Variants in MAST2 observed in about 807,000 individuals in gnomAD.
The protein encoded by MAST2 is microtubule-associated serine/threonine-protein kinase 2.
A neutral mutation model predicts 147.4 loss-of-function variants in MAST2; 70 were observed. The observed-to-expected ratio is 0.47, with a 90% CI of 0.39 to 0.58. MAST2 has a LOEUF of 0.58. Among genes scored for constraint, MAST2 ranks in the 20% least tolerant of loss-of-function variants. MAST2 has a pLI of 0.00. For synonymous variants in MAST2, 869 were observed against 896.8 expected (o/e 0.97, Z 0.55); for missense variants, 2,080 against 2,302.3 (o/e 0.90, Z 1.98).
intron 5 of MAST2, among the ~76,000 whole-genome samples, chr1:45,987,583 A>AT (rs1309304279): frequency 2.0e-5 from 3 of 152,086 alleles, no homozygotes; most frequent in Non-Finnish European, 2.9e-5. Flanking sequence ...AAGTGCTGGA[A>AT]TTACAAACGT....
At chr1:45,864,649 T>G (rs1646085783) in intron 3 of MAST2, among the ~76,000 whole-genome samples, 1 of 152,142 alleles carries the variant, frequency 6.6e-6, no homozygotes, top group Non-Finnish European at 1.5e-5. Context: ...GTATGTGGAG[T>G]GGTTTTGTTT....
At chr1:45,917,449 C>G (rs1275219613) in intron 4 of MAST2, 2 of 1,366,466 alleles carry the variant, frequency 1.5e-6, no homozygotes, top group African/African-American at 3.0e-5. Context: ...TGTGCTTTGG[C>G]TACTTCTCCT....
At chr1:46,013,729 AG>A (rs1178245906) in intron 10 of MAST2, among the ~76,000 whole-genome samples, 8 of 152,102 alleles carry the variant, frequency 5.3e-5, no homozygotes, top group Non-Finnish European at 1.0e-4. Context: ...TTTACTCACT[AG>A]GCCCAGCAGT....
chr1:45,859,268 T>A lies in MAST2; in HGVS notation c.469-23096T>A, dbSNP rs538465075. Among the ~76,000 whole-genome samples the A allele has an allele frequency of 3.3e-5, 5 of 152,228 alleles. No homozygotes were observed. The South Asian group carries it at 1.0e-3, about 32-fold the overall frequency. On this transcript the variant is annotated intron_variant, in intron 3 of 28. Transcript: ENST00000361297. ...AAAAGTGCCATCACACCCAGCTAAT[T>A]GTTGTATTTTTAATAGAGATGTGGT...
chr1:45,916,226 TAAC>T (rs1652483077), intron 4 of MAST2, among the ~76,000 whole-genome samples: 1 of 152,230 alleles, frequency 6.6e-6, no homozygotes, highest in South Asian at 2.1e-4. Flanking sequence ...CAGTCAGAAA[TAAC>T]AATACGAGAA....
intron 4 of MAST2, among the ~76,000 whole-genome samples, chr1:45,889,607 G>A (rs760297931): frequency 9.2e-5 from 14 of 151,806 alleles, no homozygotes; most frequent in South Asian, 2.1e-4. Flanking sequence ...GTTTTGTTTC[G>A]TTTTGTTTTG....
intron 4 of MAST2, among the ~76,000 whole-genome samples, chr1:45,901,998 A>G (rs1187908671): frequency 6.6e-6 from 1 of 152,112 alleles, no homozygotes; most frequent in Non-Finnish European, 1.5e-5. Flanking sequence ...TGCTCTGGCT[A>G]CCACTTCCAG....
chr1:45,930,087 A>G (rs1445192279), intron 4 of MAST2, among the ~76,000 whole-genome samples: 2 of 152,036 alleles, frequency 1.3e-5, no homozygotes, highest in African/African-American at 2.4e-5. Flanking sequence ...TTCCTAAAGG[A>G]TGAAGTTTGT....
At chr1:45,855,536 G>T (rs1246678413) in intron 3 of MAST2, among the ~76,000 whole-genome samples, 1 of 151,816 alleles carries the variant, frequency 6.6e-6, no homozygotes, top group African/African-American at 2.4e-5. Flanking sequence ...CTCAGCGCTG[G>T]TAATTTATTT....
At chr1:45,833,869 C>CT (rs887890210) in intron 3 of MAST2, among the ~76,000 whole-genome samples, 57 of 144,980 alleles carry the variant, frequency 3.9e-4, no homozygotes, top group Admixed American at 7.6e-4. Context: ...TTCTCTTGTG[C>CT]TTTTTTTTTT....
At chr1:45,974,530 G>A (rs570074267) in intron 5 of MAST2, among the ~76,000 whole-genome samples, 9 of 152,244 alleles carry the variant, frequency 5.9e-5, no homozygotes, top group Admixed American at 3.9e-4. Flanking sequence ...TGAGGAGTTC[G>A]AGGCTGCAGT....
chr1:45,956,333 C>T (rs747289668), intron 4 of MAST2, among the ~76,000 whole-genome samples: 15 of 152,152 alleles, frequency 9.9e-5, no homozygotes, highest in Non-Finnish European at 1.5e-4. Flanking sequence ...ATCTATGGCT[C>T]CTAAATGTTC....
chr1:45,935,789 A>G (rs573195731), intron 4 of MAST2, among the ~76,000 whole-genome samples: 13 of 152,254 alleles, frequency 8.5e-5, no homozygotes, highest in African/African-American at 3.1e-4. Context: ...TGGTTACTGT[A>G]GCCTTGTGGT....
At chr1:45,974,976 G>A (rs1308847194) in intron 5 of MAST2, among the ~76,000 whole-genome samples, 1 of 152,204 alleles carries the variant, frequency 6.6e-6, no homozygotes, top group Non-Finnish European at 1.5e-5. Flanking sequence ...AATGGTTGTT[G>A]TAGTCTGATG....
chr1:45,901,273 A>G (rs567967838), intron 4 of MAST2, among the ~76,000 whole-genome samples: 1 of 151,842 alleles, frequency 6.6e-6, no homozygotes, highest in African/African-American at 2.4e-5. Context: ...TTCCCCATTG[A>G]TTATTGTGGT....
At chr1:45,947,305 T>C (rs553082779) in intron 4 of MAST2, among the ~76,000 whole-genome samples, 1 of 45,080 alleles carries the variant, frequency 2.2e-5, no homozygotes, top group South Asian at 1.2e-3. Flanking sequence ...CTGATGAGCT[T>C]TAAAAAAAAA....
chr1:45,803,801 C>T lies in MAST2; in HGVS notation c.-95C>T, dbSNP rs1644058227. ...TAGGGAGCCCGTCCGGCCATGGTGG[C>T]CGCGGGTGGTGGTTGGCGCGGCTGC... On this transcript the variant is annotated 5_prime_UTR_variant, in exon 1 of 29. Transcript: ENST00000361297. 3 of 369,880 alleles carry T rather than the reference C, an allele frequency of 8.1e-6. No individual in the cohort carries two copies. Among genetic ancestry groups the T allele is most frequent in the Admixed American group, 9.4e-5 (2 of 21,314 alleles). 22.9% of individuals were successfully genotyped at this position (369,880 alleles called of 1,614,324 possible). A position where few individuals can be genotyped will look rare whatever the true frequency, so the allele number is the denominator to read the frequency against.
intron 1 of MAST2, among the ~76,000 whole-genome samples, chr1:45,821,515 CTTTTTTTTTTT>C (rs59159342): frequency 1.4e-4 from 10 of 70,924 alleles, no homozygotes; most frequent in African/African-American, 5.5e-4. Flanking sequence ...GTTATTTCTT[CTTTTTTTTTTT>C]TTTTTTTTTT....
chr1:45,840,511 C>T (rs1182362851), intron 3 of MAST2, among the ~76,000 whole-genome samples: 1 of 152,184 alleles, frequency 6.6e-6, no homozygotes, highest in Admixed American at 6.5e-5. Context: ...GTCACTGAAC[C>T]TCTTTAAGCC....
Sources: allele counts gnomAD v4.1 joint callset (sites outside exome capture counted in the v4.1 genomes callset), GRCh38; gene constraint gnomAD v4.1.1; transcripts MANE v1.5; gene names NCBI Gene and HGNC (gene_info 2026-07-23, HGNC 2026-07-21).